Variants in PARD3 observed in about 807,000 individuals in gnomAD.
PARD3 encodes par-3 family cell polarity regulator.
In PARD3, 75 loss-of-function variants were observed where a neutral mutation model predicts 155.4. The ratio of observed to expected loss-of-function variants is 0.48; its 90% CI spans 0.40 to 0.58. PARD3 has a LOEUF of 0.58. Among genes scored for constraint, PARD3 ranks in the 20% least tolerant of loss-of-function variants. The pLI, the probability that PARD3 is intolerant of heterozygous loss-of-function variation, is 0.00. For missense variants in PARD3, 1,642 were observed against 1,721.7 expected (o/e 0.95, Z 0.82); for synonymous variants, 576 against 610.5 (o/e 0.94, Z 0.83).
At chr10:34,753,154 T>C (rs1836278565) in intron 1 of PARD3, among the ~76,000 whole-genome samples, 1 of 152,206 alleles carries the variant, frequency 6.6e-6, no homozygotes. Flanking sequence ...GGGGTCCTGA[T>C]TGCTGTGTGT....
chr10:34,336,012 C>T (rs1310093176), intron 18 of PARD3, among the ~76,000 whole-genome samples, 187 bp downstream of exon 18: 1 of 152,034 alleles, frequency 6.6e-6, no homozygotes, highest in East Asian at 1.9e-4. Flanking sequence ...TTAGTAAGTA[C>T]ACCACTGATA....
chr10:34,665,896 AG>A (rs1221156424), intron 2 of PARD3, among the ~76,000 whole-genome samples: 31 of 146,562 alleles, frequency 2.1e-4, no homozygotes, highest in East Asian at 5.9e-4. Flanking sequence ...AGAACAGAAC[AG>A]AACAGAACAA....
intron 1 of PARD3, 148 bp downstream of exon 1, chr10:34,814,728 G>A: frequency 1.5e-6 from 1 of 646,736 alleles, no homozygotes; most frequent in Non-Finnish European, 2.4e-6. Flanking sequence ...CGCAGTCCGG[G>A]GCGGGGGGCG....
At chr10:34,590,093 T>C (rs1349052111) in intron 2 of PARD3, among the ~76,000 whole-genome samples, 1 of 152,176 alleles carries the variant, frequency 6.6e-6, no homozygotes, top group Non-Finnish European at 1.5e-5. Flanking sequence ...ACGAATATGA[T>C]GACACCTTCT....
At chr10:34,779,622 A>G (rs1471537652) in intron 1 of PARD3, among the ~76,000 whole-genome samples, 1 of 152,158 alleles carries the variant, frequency 6.6e-6, no homozygotes, top group Admixed American at 6.5e-5. Context: ...CTCCATCTCA[A>G]AAATAAAATA....
At chr10:34,127,027 T>C (rs974732619) in intron 23 of PARD3, among the ~76,000 whole-genome samples, 1 of 152,230 alleles carries the variant, frequency 6.6e-6, no homozygotes, top group African/African-American at 2.4e-5. Context: ...AGTTTCCAAA[T>C]GTACAAGATT....
At chr10:34,535,378 ACGGATAC>A (rs1343184578) in intron 2 of PARD3, among the ~76,000 whole-genome samples, 2 of 152,206 alleles carry the variant, frequency 1.3e-5, no homozygotes, top group Non-Finnish European at 2.9e-5. Context: ...GGAAGTCAAA[ACGGATAC>A]CAGACAGTTC....
intron 22 of PARD3, among the ~76,000 whole-genome samples, chr10:34,162,199 G>A (rs1949316913): frequency 6.6e-6 from 1 of 152,044 alleles, no homozygotes; most frequent in East Asian, 1.9e-4. Context: ...GCAGACTAAG[G>A]GACCATATGC....
At chr10:34,661,068 G>GA (rs2093313912) in intron 2 of PARD3, among the ~76,000 whole-genome samples, 1 of 152,154 alleles carries the variant, frequency 6.6e-6, no homozygotes. Flanking sequence ...ACATGGGGCA[G>GA]AAACACTCAG....
chr10:34,633,174 G>C (rs2092339163), intron 2 of PARD3, among the ~76,000 whole-genome samples: 1 of 151,984 alleles, frequency 6.6e-6, no homozygotes. Flanking sequence ...TTTATGATGA[G>C]AACATATGAA....
intron 22 of PARD3, among the ~76,000 whole-genome samples, chr10:34,238,442 T>G (rs1167025191): frequency 6.6e-6 from 1 of 152,186 alleles, no homozygotes; most frequent in Non-Finnish European, 1.5e-5. Flanking sequence ...GTTAGCATTT[T>G]TCAATAGCTA....
chr10:34,678,323 T>C (rs1320484668), intron 2 of PARD3, among the ~76,000 whole-genome samples: 3 of 152,182 alleles, frequency 2.0e-5, no homozygotes, highest in African/African-American at 7.2e-5. Context: ...ATCCACCTCC[T>C]TTGGCCATTC....
At chr10:34,384,649 G>C (rs1462867333) in intron 7 of PARD3, among the ~76,000 whole-genome samples, 2 of 152,190 alleles carry the variant, frequency 1.3e-5, no homozygotes, top group African/African-American at 4.8e-5. Flanking sequence ...TAGCTTAAAA[G>C]ACGACTGCAA....
chr10:34,802,760 TA>T (rs1842938664), intron 1 of PARD3, among the ~76,000 whole-genome samples: 1 of 152,180 alleles, frequency 6.6e-6, no homozygotes, highest in South Asian at 2.1e-4. Flanking sequence ...GAGGATGAGA[TA>T]AAACAATTTA....
intron 2 of PARD3, chr10:34,675,626 T>G (rs1220097614): frequency 6.2e-6 from 1 of 161,480 alleles, no homozygotes; most frequent in Non-Finnish European, 1.4e-5. Flanking sequence ...GAACCAAAGT[T>G]TTATTAGTTC....
intron 2 of PARD3, among the ~76,000 whole-genome samples, chr10:34,584,582 G>A (rs1239486594): frequency 6.6e-6 from 1 of 152,174 alleles, no homozygotes; most frequent in African/African-American, 2.4e-5. Context: ...ATCGAGCGGA[G>A]TTTCCTAATA....
intron 22 of PARD3, among the ~76,000 whole-genome samples, chr10:34,264,315 G>A (rs959272633): frequency 3.9e-5 from 6 of 152,278 alleles, no homozygotes; most frequent in African/African-American, 7.2e-5. Context: ...TAGGTGAGGC[G>A]TATTCAATGC....
At chr10:34,379,153 A>T (rs533481188) in intron 9 of PARD3, among the ~76,000 whole-genome samples, 3 of 152,290 alleles carry the variant, frequency 2.0e-5, no homozygotes, top group East Asian at 3.9e-4. Context: ...TGTAAAGGTG[A>T]AAAATCTAGA....
At chr10:34,710,726 A>G (rs993688085) in intron 1 of PARD3, among the ~76,000 whole-genome samples, 34 of 152,196 alleles carry the variant, frequency 2.2e-4, no homozygotes, top group African/African-American at 8.0e-4. Context: ...CCAAGCACCC[A>G]AAACAGTGTC....
Sources: allele counts gnomAD v4.1 joint callset (sites outside exome capture counted in the v4.1 genomes callset), GRCh38; gene constraint gnomAD v4.1.1; transcripts MANE v1.5; gene names NCBI Gene and HGNC (gene_info 2026-07-23, HGNC 2026-07-21).